Variants in TPH2 observed in about 807,000 individuals in gnomAD.
The protein encoded by TPH2 is tryptophan hydroxylase 2, also known as tryptophan 5-hydroxylase 2.
Under a neutral mutation model 59.1 loss-of-function variants are expected in TPH2, and 27 were observed. The observed-to-expected ratio is 0.46, with a 90% CI of 0.34 to 0.63. TPH2 has a LOEUF of 0.63. TPH2 is among the 30% of genes least tolerant of loss of function. The pLI, the probability that TPH2 is intolerant of heterozygous loss-of-function variation, is 0.01. For missense variants in TPH2, 523 were observed against 588.3 expected, an observed-to-expected ratio of 0.89 and a Z score of 1.15; for synonymous variants, 220 against 210.5, an observed-to-expected ratio of 1.05 and a Z score of -0.39.
Position 71,975,381 on chromosome 12 carries a change from C to T in TPH2, c.805+2666C>T, listed in dbSNP as rs116359644. On this transcript the variant is annotated intron_variant, in intron 6 of 10. Coordinates refer to ENST00000333850, the MANE Select transcript of TPH2 (RefSeq NM_173353.4). ...ATGAACAAACAAACAAAACTATTCT[C>T]ACTGTTGGGGTGTACAAAAACAGGC... is the stretch of plus-strand genomic sequence containing the variant. Among the ~76,000 whole-genome samples, 895 of 152,172 alleles carry T rather than the reference C, an allele frequency of 5.9e-3. 13 individuals are homozygous for T. The highest frequency in any genetic ancestry group is 0.02 in the African/African-American group (825 of 41,522).
intron 8 of TPH2, among the ~76,000 whole-genome samples, chr12:72,021,726 G>A (rs1873425913): frequency 6.6e-6 from 1 of 152,122 alleles, no homozygotes; most frequent in South Asian, 2.1e-4. Flanking sequence ...TAAACCTATT[G>A]TAAGTCGAGC....
intron 8 of TPH2, among the ~76,000 whole-genome samples, chr12:72,021,057 T>G (rs1027918219): frequency 2.0e-5 from 2 of 97,980 alleles, no homozygotes; most frequent in Non-Finnish European, 5.0e-5. Context: ...CAGGAGTGTT[T>G]AAATTCCTTT....
intron 8 of TPH2, among the ~76,000 whole-genome samples, chr12:72,021,356 AGTGT>A (rs57532900): frequency 0.024 from 3,461 of 143,362 alleles, 124 homozygotes; most frequent in African/African-American, 0.077. Context: ...GGGCCAATAA[AGTGT>A]GTGTGTGTGT....
intron 5 of TPH2, among the ~76,000 whole-genome samples, chr12:71,966,438 G>T (rs12228247): frequency 0.053 from 7,997 of 152,226 alleles, 353 homozygotes; most frequent in South Asian, 0.13. Context: ...ATGCATTTAA[G>T]CTCTTCTTTG....
At chr12:71,959,713 A>G (rs535386992) in intron 5 of TPH2, among the ~76,000 whole-genome samples, 7 of 152,166 alleles carry the variant, frequency 4.6e-5, no homozygotes, top group Admixed American at 4.6e-4. Context: ...AGATAGGCGA[A>G]TCTTAATTGG....
chr12:72,027,984 C>T (rs116831468), intron 9 of TPH2, among the ~76,000 whole-genome samples: 1,695 of 152,302 alleles, frequency 0.011, 31 homozygotes, highest in African/African-American at 0.039. Context: ...TGATATTATA[C>T]GTCTAGCCTC....
chr12:71,964,703 A>G (rs985980400), intron 5 of TPH2: 1 of 985,176 alleles, frequency 1.0e-6, no homozygotes, highest in African/African-American at 1.7e-5. Context: ...ATTTCTACAC[A>G]CCTGGTGTGA....
intron 7 of TPH2, among the ~76,000 whole-genome samples, chr12:71,993,800 G>A (rs1031340922): frequency 2.6e-5 from 4 of 152,150 alleles, no homozygotes; most frequent in Non-Finnish European, 5.9e-5. Flanking sequence ...TGCACCTTAA[G>A]GGTTAACAGC....
chr12:71,944,797 T>A, intron 4 of TPH2, 111 bp downstream of exon 4: 1 of 1,015,044 alleles, frequency 9.9e-7, no homozygotes, highest in Non-Finnish European at 1.5e-6. Context: ...AATTTATTAT[T>A]TATTCCCCAT....
At chr12:71,989,682 G>A (rs73344850) in intron 7 of TPH2, among the ~76,000 whole-genome samples, 6,522 of 152,316 alleles carry the variant, frequency 0.043, 268 homozygotes, top group South Asian at 0.17. Flanking sequence ...TGTTCAACGC[G>A]TAGTGTGAAG....
At chr12:71,962,609 T>C (rs1871717519) in intron 5 of TPH2, 18 of 985,298 alleles carry the variant, frequency 1.8e-5, no homozygotes, top group Non-Finnish European at 2.2e-5. Context: ...GCAAGACAAA[T>C]ACATACCTGC....
At chr12:71,987,545 A>G (rs1187807260) in intron 7 of TPH2, among the ~76,000 whole-genome samples, 1 of 152,182 alleles carries the variant, frequency 6.6e-6, no homozygotes, top group Non-Finnish European at 1.5e-5. Context: ...CTCTTACTAC[A>G]TTGTTTAATA....
intron 7 of TPH2, among the ~76,000 whole-genome samples, chr12:71,981,502 T>A (rs1342233988): frequency 1.3e-5 from 2 of 152,036 alleles, no homozygotes. Context: ...TCAAAAGGTG[T>A]GGAGCTAGAT....
At chr12:71,962,303 G>A (rs1429905591) in intron 5 of TPH2, 2 of 985,316 alleles carry the variant, frequency 2.0e-6, no homozygotes, top group East Asian at 1.1e-4. Flanking sequence ...CCTTGGAAAT[G>A]TTTTTGAAGT....
intron 4 of TPH2, among the ~76,000 whole-genome samples, chr12:71,948,373 G>A (rs75066290): frequency 6.6e-6 from 1 of 152,100 alleles, no homozygotes; most frequent in African/African-American, 2.4e-5. Flanking sequence ...GTGGTCTCAG[G>A]GCATCTTCTC....
intron 7 of TPH2, among the ~76,000 whole-genome samples, chr12:71,992,720 ATATT>A (rs1318732162): frequency 6.6e-6 from 1 of 152,210 alleles, no homozygotes; most frequent in African/African-American, 2.4e-5. Flanking sequence ...TCTCTTATTT[ATATT>A]TATTATTCCT....
intron 8 of TPH2, among the ~76,000 whole-genome samples, chr12:72,019,474 C>T (rs1254736683): frequency 6.6e-6 from 1 of 152,176 alleles, no homozygotes; most frequent in East Asian, 1.9e-4. Context: ...CCTTGCACAG[C>T]TGCCTTTTTA....
intron 5 of TPH2, 27 bp from the exon 6 acceptor site, chr12:71,972,492 T>C (rs1566132335): frequency 6.2e-7 from 1 of 1,610,348 alleles, no homozygotes. Flanking sequence ...AAAGTTAGAT[T>C]CATTTAGTTT....
intron 8 of TPH2, among the ~76,000 whole-genome samples, chr12:72,016,655 G>C (rs1166652410): frequency 6.6e-6 from 1 of 152,152 alleles, no homozygotes; most frequent in African/African-American, 2.4e-5. Flanking sequence ...AATTCTAGAT[G>C]TGGAATGATG....
Sources: allele counts gnomAD v4.1 joint callset (sites outside exome capture counted in the v4.1 genomes callset), GRCh38; gene constraint gnomAD v4.1.1; transcripts MANE v1.5; gene names NCBI Gene and HGNC (gene_info 2026-07-23, HGNC 2026-07-21).